The following CACNA2D1 variants were observed in gnomAD, a reference collection of about 807,000 sequenced individuals.
CACNA2D1 encodes the protein calcium voltage-gated channel auxiliary subunit alpha2delta 1.
Under a neutral mutation model 171.5 loss-of-function variants are expected in CACNA2D1, and 53 were observed. That is an observed-to-expected ratio of 0.31 (90% CI 0.25 to 0.39). CACNA2D1 has a LOEUF of 0.39. Among genes scored for constraint, CACNA2D1 ranks in the 10% least tolerant of loss-of-function variants. The probability of loss-of-function intolerance (pLI) is 1.00; values close to 1 mark genes in which losing one functional copy is unlikely to be tolerated. For missense variants in CACNA2D1, 903 were observed against 1,299.8 expected (o/e 0.69, Z 4.69); for synonymous variants, 442 against 443.1 (o/e 1.00, Z 0.03).
intron 1 of CACNA2D1, among the ~76,000 whole-genome samples, chr7:82,362,625 G>A (rs1247144762): frequency 6.6e-6 from 1 of 152,086 alleles, no homozygotes; most frequent in Non-Finnish European, 1.5e-5. Context: ...TACCCTACAT[G>A]TATTTTCCCA....
At chr7:81,986,116 C>G (rs1796940455) in intron 21 of CACNA2D1, among the ~76,000 whole-genome samples, 1 of 152,164 alleles carries the variant, frequency 6.6e-6, no homozygotes, top group South Asian at 2.1e-4. Context: ...TTTCCATATC[C>G]ACATGTGCTA....
intron 6 of CACNA2D1, among the ~76,000 whole-genome samples, chr7:82,112,600 T>TG (rs1788591498): frequency 6.6e-6 from 1 of 152,214 alleles, no homozygotes; most frequent in Non-Finnish European, 1.5e-5. Context: ...GGATTTAGCC[T>TG]GATTTATGTA....
chr7:82,276,836 C>T (rs1340367340), intron 3 of CACNA2D1, among the ~76,000 whole-genome samples: 3 of 151,464 alleles, frequency 2.0e-5, no homozygotes, highest in Non-Finnish European at 2.9e-5. Flanking sequence ...GCAACCTCTG[C>T]CTCCTGTGTT....
intron 3 of CACNA2D1, among the ~76,000 whole-genome samples, chr7:82,184,377 T>C (rs962493090): frequency 1.3e-5 from 2 of 151,994 alleles, no homozygotes; most frequent in Non-Finnish European, 2.9e-5. Flanking sequence ...ACTAATAATC[T>C]GAAAAAAATA....
rs1279430684 is a variant in CACNA2D1 at position 82,127,927 on chromosome 7, G to A, written c.396+8708C>T. On this transcript the variant is annotated intron_variant, in intron 5 of 38. Coordinates refer to ENST00000356860, the MANE Select transcript of CACNA2D1 (RefSeq NM_000722.4). ...TGCATAGTTTGTTTTGTTTTCTGAGGTTTTTTGTTTGTTTTTGAGACAGGG... is the reference window on the plus strand; with the variant it reads ...TGCATAGTTTGTTTTGTTTTCTGAGATTTTTTGTTTGTTTTTGAGACAGGG... 1.3e-5 allele frequency among the ~76,000 whole-genome samples: 2 copies of A among 151,834 alleles called. 1 individual carries two copies. The highest frequency in any genetic ancestry group is 4.2e-4 in the South Asian group (2 of 4,810).
At chr7:82,245,662 T>A (rs2367918) in intron 3 of CACNA2D1, among the ~76,000 whole-genome samples, 106,816 of 144,666 alleles carry the variant, frequency 0.74, 39,772 homozygotes, top group African/African-American at 0.85. Flanking sequence ...TCTCTCTCTC[T>A]CACACACACA....
intron 3 of CACNA2D1, among the ~76,000 whole-genome samples, chr7:82,270,950 C>A (rs1297872653): frequency 1.3e-5 from 2 of 152,070 alleles, no homozygotes; most frequent in East Asian, 3.8e-4. Context: ...CTACAAACTA[C>A]TTCTTTATCC....
intron 1 of CACNA2D1, among the ~76,000 whole-genome samples, chr7:82,364,146 C>A (rs1821411735): frequency 6.6e-6 from 1 of 152,114 alleles, no homozygotes; most frequent in Non-Finnish European, 1.5e-5. Context: ...TCACTTGAAC[C>A]CAGGAGGCAG....
At chr7:82,056,668 C>A (rs1805946374) in intron 10 of CACNA2D1, among the ~76,000 whole-genome samples, 1 of 152,142 alleles carries the variant, frequency 6.6e-6, no homozygotes, top group Non-Finnish European at 1.5e-5. Flanking sequence ...AGTACCACTT[C>A]TCAAAGAAAG....
chr7:82,290,186 T>G (rs978008727), intron 3 of CACNA2D1, among the ~76,000 whole-genome samples: 1 of 152,150 alleles, frequency 6.6e-6, no homozygotes, highest in East Asian at 1.9e-4. Context: ...TTAATGAAGT[T>G]CTGAACTAAG....
At chr7:81,957,643 C>G (rs945614030) in intron 38 of CACNA2D1, among the ~76,000 whole-genome samples, 6 of 151,988 alleles carry the variant, frequency 3.9e-5, no homozygotes, top group Non-Finnish European at 8.8e-5. Context: ...TGGCAGTTAA[C>G]GTGAGTCTCC....
chr7:82,117,482 T>C (rs1203074781), intron 5 of CACNA2D1, among the ~76,000 whole-genome samples: 1 of 152,158 alleles, frequency 6.6e-6, no homozygotes, highest in East Asian at 1.9e-4. Context: ...CTTATTAAGA[T>C]GTAAACTTAA....
chr7:82,422,754 A>G (rs1340319961), intron 1 of CACNA2D1, among the ~76,000 whole-genome samples: 3 of 152,158 alleles, frequency 2.0e-5, no homozygotes, highest in African/African-American at 4.8e-5. Flanking sequence ...ATAACCTTGT[A>G]CTAGTCTTTT....
At chr7:82,334,911 T>G (rs1177775039) in intron 3 of CACNA2D1, among the ~76,000 whole-genome samples, 1 of 151,906 alleles carries the variant, frequency 6.6e-6, no homozygotes, top group African/African-American at 2.4e-5. Flanking sequence ...ATATAATCAA[T>G]TAAACACAGA....
intron 3 of CACNA2D1, among the ~76,000 whole-genome samples, chr7:82,273,679 G>T (rs1470594363): frequency 3.3e-5 from 5 of 152,018 alleles, no homozygotes; most frequent in African/African-American, 1.2e-4. Flanking sequence ...TATATTTGAT[G>T]AAATAGGAAA....
At chr7:82,392,160 C>T (rs1047538100) in intron 1 of CACNA2D1, among the ~76,000 whole-genome samples, 1 of 152,188 alleles carries the variant, frequency 6.6e-6, no homozygotes, top group African/African-American at 2.4e-5. Context: ...TTTACATAAA[C>T]CTACCCTTCC....
chr7:81,997,691 A>G (rs893839938), intron 18 of CACNA2D1, among the ~76,000 whole-genome samples: 1 of 151,666 alleles, frequency 6.6e-6, no homozygotes, highest in Non-Finnish European at 1.5e-5. Context: ...GTATGAGAAA[A>G]TGTTTTAAAA....
intron 4 of CACNA2D1, among the ~76,000 whole-genome samples, chr7:82,167,498 TTAAGA>T (rs1486796019): frequency 6.6e-5 from 10 of 152,090 alleles, no homozygotes; most frequent in African/African-American, 2.4e-4. Context: ...TATTTGAGTC[TTAAGA>T]TTAGATAGTC....
At chr7:82,325,486 T>G (rs1376337345) in intron 3 of CACNA2D1, among the ~76,000 whole-genome samples, 1 of 151,582 alleles carries the variant, frequency 6.6e-6, no homozygotes, top group Non-Finnish European at 1.5e-5. Context: ...TTATAATAAG[T>G]ACATGCCAAC....
Sources: allele counts gnomAD v4.1 joint callset (sites outside exome capture counted in the v4.1 genomes callset), GRCh38; gene constraint gnomAD v4.1.1; transcripts MANE v1.5; gene names NCBI Gene and HGNC (gene_info 2026-07-23, HGNC 2026-07-21).